LAMA2: variants seen among roughly 807,000 people sequenced by gnomAD.
LAMA2 encodes laminin subunit alpha-2.
Under a neutral mutation model 364.8 loss-of-function variants are expected in LAMA2, and 269 were observed. The observed-to-expected ratio is 0.74, with a 90% CI of 0.67 to 0.82. The LOEUF is 0.82. Among genes scored for constraint, LAMA2 ranks in the 40% least tolerant of loss-of-function variants. The pLI is 0.00. For missense variants in LAMA2, 3,807 were observed against 3,873.2 expected (o/e 0.98, Z 0.45); for synonymous variants, 1,379 against 1,370.6 (o/e 1.01, Z -0.14).
At chr6:128,991,461 T>A (rs967020064) in intron 1 of LAMA2, among the ~76,000 whole-genome samples, 4 of 152,286 alleles carry the variant, frequency 2.6e-5, no homozygotes, top group African/African-American at 9.6e-5. Flanking sequence ...CTTTACAAAT[T>A]TTTCCGAGTA....
rs562524634 is a variant in LAMA2 at position 129,472,602 on chromosome 6, G to A, written c.7301-612G>A. The stretch of plus-strand genomic sequence containing the variant: ...TAAAAATACCTTGAGAGACCCAAAA[G>A]AAAAGCAAGAAGGCATGAGGACTGT... On this transcript the variant is annotated intron_variant, in intron 51 of 64. Transcript: ENST00000421865. Among the ~76,000 whole-genome samples, 4 of 152,024 alleles carry A rather than the reference G, an allele frequency of 2.6e-5. No individual in the cohort carries two copies. The East Asian group carries it at 7.7e-4, about 29-fold the overall frequency.
chr6:129,415,945 C>CTTTTT (rs952225363), intron 40 of LAMA2, among the ~76,000 whole-genome samples: 39 of 33,698 alleles, frequency 1.2e-3, no homozygotes, highest in South Asian at 2.2e-3. Flanking sequence ...CACTTTCTTT[C>CTTTTT]TTTTTTTTTT....
At chr6:129,279,742 G>T (rs574143307) in intron 17 of LAMA2, among the ~76,000 whole-genome samples, 88 of 152,308 alleles carry the variant, frequency 5.8e-4, no homozygotes, top group Middle Eastern at 3.4e-3. Flanking sequence ...CTGCATATGT[G>T]CCAGGCCTGG....
intron 40 of LAMA2, among the ~76,000 whole-genome samples, chr6:129,418,629 G>T (rs553903694): frequency 3.3e-5 from 5 of 152,146 alleles, no homozygotes; most frequent in African/African-American, 1.2e-4. Context: ...TTAGGTTCAA[G>T]TTGTGTTCTG....
intron 6 of LAMA2, 146 bp downstream of exon 6, chr6:129,147,194 AAG>A: frequency 1.4e-6 from 1 of 704,266 alleles, no homozygotes; most frequent in Non-Finnish European, 2.6e-6. Flanking sequence ...AGGGTGAAAT[AAG>A]AGCTGGCAGT....
At chr6:129,276,970 A>T (rs1788372880) in intron 17 of LAMA2, among the ~76,000 whole-genome samples, 1 of 152,166 alleles carries the variant, frequency 6.6e-6, no homozygotes, top group African/African-American at 2.4e-5. Flanking sequence ...ATGCATACAT[A>T]TATACATGCT....
At chr6:129,497,654 C>CTCT (rs888400186) in intron 58 of LAMA2, among the ~76,000 whole-genome samples, 8 of 143,804 alleles carry the variant, frequency 5.6e-5, no homozygotes, top group African/African-American at 2.2e-4. Flanking sequence ...CAGAAAAGAT[C>CTCT]TATTCTCAGT....
chr6:129,169,609 T>A (rs1780000484), intron 9 of LAMA2, among the ~76,000 whole-genome samples: 1 of 150,706 alleles, frequency 6.6e-6, no homozygotes, highest in Admixed American at 6.6e-5. Context: ...TCAAGGATAT[T>A]GGTCTAAAAT....
At chr6:129,053,679 T>G (rs1160949705) in intron 2 of LAMA2, among the ~76,000 whole-genome samples, 1 of 152,172 alleles carries the variant, frequency 6.6e-6, no homozygotes, top group Non-Finnish European at 1.5e-5. Context: ...AAGCATAAAA[T>G]AGGTTTCCCT....
intron 1 of LAMA2, among the ~76,000 whole-genome samples, chr6:128,931,132 T>C (rs940133317): frequency 4.6e-5 from 7 of 152,230 alleles, no homozygotes; most frequent in African/African-American, 1.7e-4. Context: ...CATTTTTGTC[T>C]TAAATATAAC....
chr6:129,223,064 G>C (rs879832278), intron 12 of LAMA2, among the ~76,000 whole-genome samples: 3 of 152,130 alleles, frequency 2.0e-5, no homozygotes, highest in Non-Finnish European at 4.4e-5. Flanking sequence ...ATCTCATTGT[G>C]GTTTTGATTT....
At chr6:129,238,404 T>C (rs1785151250) in intron 12 of LAMA2, among the ~76,000 whole-genome samples, 1 of 152,204 alleles carries the variant, frequency 6.6e-6, no homozygotes, top group African/African-American at 2.4e-5. Flanking sequence ...TTTCATGCCC[T>C]TTTAGACATA....
chr6:129,447,124 T>C (rs888248120), intron 45 of LAMA2, among the ~76,000 whole-genome samples: 2 of 152,240 alleles, frequency 1.3e-5, no homozygotes, highest in Non-Finnish European at 2.9e-5. Context: ...CTATGTTCAG[T>C]GTTACTTTCC....
chr6:129,084,920 A>G (rs9321150), intron 3 of LAMA2, among the ~76,000 whole-genome samples: 144,483 of 152,230 alleles, frequency 0.95, 68,633 homozygotes, highest in East Asian at 0.97. Context: ...TAGTAGAATT[A>G]CATGGTGTTC....
At chr6:129,097,104 A>G (rs974381033) in intron 3 of LAMA2, among the ~76,000 whole-genome samples, 2 of 152,206 alleles carry the variant, frequency 1.3e-5, no homozygotes, top group African/African-American at 2.4e-5. Context: ...CAGTGACCTC[A>G]TCCACTTAGA....
chr6:129,287,219 T>C (rs1789328484), intron 18 of LAMA2, among the ~76,000 whole-genome samples: 1 of 151,442 alleles, frequency 6.6e-6, no homozygotes, highest in Admixed American at 6.6e-5. Context: ...TCCTATAATA[T>C]GCAGGCATGC....
chr6:129,409,524 T>G (rs1193776739), intron 40 of LAMA2, among the ~76,000 whole-genome samples: 1 of 152,220 alleles, frequency 6.6e-6, no homozygotes, highest in East Asian at 1.9e-4. Flanking sequence ...ATCCAGTTCA[T>G]GAAAGGCAGT....
chr6:129,219,501 C>A (rs1379620372), intron 12 of LAMA2, among the ~76,000 whole-genome samples: 2 of 151,606 alleles, frequency 1.3e-5, no homozygotes, highest in African/African-American at 2.4e-5. Context: ...GACTATAAAT[C>A]ATGCTGCTAT....
chr6:128,996,234 T>C (rs547701433), intron 1 of LAMA2, among the ~76,000 whole-genome samples: 3 of 152,186 alleles, frequency 2.0e-5, no homozygotes, highest in African/African-American at 7.2e-5. Flanking sequence ...GAGTTTGGCA[T>C]GTGAAGATCG....
Sources: gnomAD v4.1 joint callset for allele counts (sites outside exome capture counted in the v4.1 genomes callset) on GRCh38, gnomAD v4.1.1 for gene constraint, MANE v1.5 for transcripts, NCBI Gene and HGNC (gene_info 2026-07-23, HGNC 2026-07-21) for gene names.